The following ZMYND11 variants were observed in gnomAD, a reference collection of about 807,000 sequenced individuals.
ZMYND11 encodes zinc finger MYND-type containing 11.
Under a neutral mutation model 84.9 loss-of-function variants are expected in ZMYND11, and 9 were observed. The ratio of observed to expected loss-of-function variants is 0.11; its 90% CI spans 0.06 to 0.18. ZMYND11 has a LOEUF of 0.18. Ranked by LOEUF, ZMYND11 falls within the 10% of genes least tolerant of loss-of-function variation. The pLI is 1.00. For synonymous variants in ZMYND11, 250 were observed against 244.1 expected (o/e 1.02, Z -0.23); for missense variants, 409 against 761.0 (o/e 0.54, Z 5.44).
At chr10:189,287 T>C (rs1939671881) in intron 2 of ZMYND11, among the ~76,000 whole-genome samples, 1 of 152,230 alleles carries the variant, frequency 6.6e-6, no homozygotes, top group Non-Finnish European at 1.5e-5. Context: ...CTTTAACTTT[T>C]TGAAAACACT....
At chr10:176,775 G>A (rs1846726196) in intron 1 of ZMYND11, among the ~76,000 whole-genome samples, 1 of 152,168 alleles carries the variant, frequency 6.6e-6, no homozygotes, top group African/African-American at 2.4e-5. Flanking sequence ...GTAGATCCTA[G>A]AAAGGATAGG....
At chr10:147,774 ATATAAC>A (rs1554755780) in intron 1 of ZMYND11, 1 of 151,844 alleles carries the variant, frequency 6.6e-6, no homozygotes, top group Non-Finnish European at 1.5e-5. Flanking sequence ...ATGGTCACAG[ATATAAC>A]TATAATCACA....
chr10:180,723 C>T (rs1588699968), intron 2 of ZMYND11, among the ~76,000 whole-genome samples: 1 of 152,278 alleles, frequency 6.6e-6, no homozygotes, highest in East Asian at 1.9e-4. Context: ...TTAAAAACAC[C>T]TTTAGTGAAT....
chr10:198,672 T>C (rs1942370167), intron 2 of ZMYND11, among the ~76,000 whole-genome samples: 1 of 152,200 alleles, frequency 6.6e-6, no homozygotes, highest in Non-Finnish European at 1.5e-5. Flanking sequence ...GTGCTTGATA[T>C]TTAGACAGTG....
rs115321270 is a variant in ZMYND11, at chr10:197,877, T to G, written c.117-12012T>G. 1.6e-3 allele frequency: 889 copies of G among 563,924 alleles called. 4 individuals are homozygous for G. The highest frequency in any genetic ancestry group is 0.015 in the African/African-American group (790 of 51,960). 34.9% of individuals were successfully genotyped at this position (563,924 alleles called of 1,614,324 possible). On this transcript the variant is annotated intron_variant, in intron 2 of 14. Coordinates refer to ENST00000381604, the MANE Select transcript of ZMYND11 (RefSeq NM_001370100.5). ...ACTTTTTTCCAACTACAAAGGAAAG[T>G]GACTATCAAACTTACAATATATTTC...
At chr10:195,260 T>A (rs1941451496) in intron 2 of ZMYND11, among the ~76,000 whole-genome samples, 1 of 152,218 alleles carries the variant, frequency 6.6e-6, no homozygotes, top group Admixed American at 6.5e-5. Context: ...AAAGAAGTTC[T>A]CAGTGGCTAA....
At chr10:216,664 G>A (rs1193188453) in intron 3 of ZMYND11, among the ~76,000 whole-genome samples, 1 of 152,000 alleles carries the variant, frequency 6.6e-6, no homozygotes. Context: ...TTATACTGTG[G>A]TTCTGTGTGC....
chr10:149,772 T>C (rs149632950), intron 1 of ZMYND11, among the ~76,000 whole-genome samples: 37 of 152,318 alleles, frequency 2.4e-4, no homozygotes, highest in African/African-American at 8.7e-4. Context: ...ATTATTCTGT[T>C]GTGGGAGTGG....
In ZMYND11 at chr10:161,873, G is replaced by A. The variant is rs184069992; in HGVS notation, c.-19-18121G>A. 3.9e-5 allele frequency among the ~76,000 whole-genome samples: 6 copies of A among 152,284 alleles called. No individual in the cohort carries two copies. In the East Asian group the frequency reaches 1.2e-3, roughly 29 times the overall value. On this transcript the variant is annotated intron_variant, in intron 1 of 14. Transcript: ENST00000381604. ...AAAATATTTTCCAAAGCAGCAATAAGGCTGTTTTGCTTTCTTATTCATGTG... is the reference window on the plus strand; with the variant it reads ...AAAATATTTTCCAAAGCAGCAATAAAGCTGTTTTGCTTTCTTATTCATGTG...
intron 1 of ZMYND11, among the ~76,000 whole-genome samples, chr10:165,949 C>T (rs954535121): frequency 2.0e-5 from 3 of 152,072 alleles, no homozygotes; most frequent in Admixed American, 2.0e-4. Flanking sequence ...CAGAAATAAA[C>T]CCATACATCT....
At chr10:137,982 T>G (rs1836526504) in intron 1 of ZMYND11, among the ~76,000 whole-genome samples, 1 of 152,200 alleles carries the variant, frequency 6.6e-6, no homozygotes, top group Admixed American at 6.5e-5. Context: ...GACAATTTAT[T>G]TTTGCAATTA....
At chr10:247,195 G>C (rs962981355) in intron 11 of ZMYND11, among the ~76,000 whole-genome samples, 10 of 152,184 alleles carry the variant, frequency 6.6e-5, no homozygotes, top group African/African-American at 2.2e-4. Flanking sequence ...TTAAGTACAA[G>C]TGCTCCTCTC....
At chr10:136,979 T>C (rs1174132551) in intron 1 of ZMYND11, among the ~76,000 whole-genome samples, 2 of 152,138 alleles carry the variant, frequency 1.3e-5, no homozygotes, top group East Asian at 3.8e-4. Flanking sequence ...CCTGGTGTTA[T>C]CTATGTTTTG....
intron 2 of ZMYND11, among the ~76,000 whole-genome samples, chr10:191,289 G>T (rs1364090326): frequency 6.6e-6 from 1 of 152,162 alleles, no homozygotes; most frequent in Non-Finnish European, 1.5e-5. Flanking sequence ...TCTGATATTG[G>T]AGTCCAAGCT....
chr10:161,269 C>T (rs1842896411), intron 1 of ZMYND11, among the ~76,000 whole-genome samples: 1 of 152,140 alleles, frequency 6.6e-6, no homozygotes, highest in South Asian at 2.1e-4. Flanking sequence ...TGAAAGGAAT[C>T]TATTTTTCTG....
At chr10:218,544 AT>A in intron 3 of ZMYND11, 3 of 301,392 alleles carry the variant, frequency 1.0e-5, no homozygotes, top group South Asian at 3.2e-5. Context: ...ATTCTGCTTT[AT>A]TTTTTGTATT....
intron 4 of ZMYND11, among the ~76,000 whole-genome samples, chr10:223,545 A>G (rs1159995983): frequency 1.3e-5 from 2 of 152,052 alleles, no homozygotes; most frequent in Non-Finnish European, 2.9e-5. Flanking sequence ...TTTTTCATTC[A>G]TTTTATGGTA....
intron 3 of ZMYND11, among the ~76,000 whole-genome samples, chr10:220,412 G>A (rs186881201): frequency 1.2e-4 from 19 of 152,136 alleles, no homozygotes; most frequent in Non-Finnish European, 2.9e-5. Context: ...TCTAACACTT[G>A]CTTTGTATAC....
intron 2 of ZMYND11, among the ~76,000 whole-genome samples, chr10:200,408 CTATA>C (rs980478653): frequency 9.6e-5 from 14 of 145,296 alleles, no homozygotes; most frequent in African/African-American, 2.3e-4. Context: ...TATATACACC[CTATA>C]TATATAATAA....
Sources: gnomAD v4.1 joint callset for allele counts (sites outside exome capture counted in the v4.1 genomes callset) on GRCh38, gnomAD v4.1.1 for gene constraint, MANE v1.5 for transcripts, NCBI Gene and HGNC (gene_info 2026-07-23, HGNC 2026-07-21) for gene names.